HAS3: variants seen among roughly 807,000 people sequenced by gnomAD.
The protein encoded by HAS3 is HA synthase 3.
A neutral mutation model predicts 50.3 loss-of-function variants in HAS3; 27 were observed. The ratio of observed to expected loss-of-function variants is 0.54; its 90% CI spans 0.40 to 0.74. The LOEUF (loss-of-function observed/expected upper bound fraction) is 0.74. HAS3 is among the 30% of genes least tolerant of loss of function. The pLI is 0.00. For synonymous variants in HAS3, 339 were observed against 310.9 expected, an observed-to-expected ratio of 1.09 and a Z score of -0.95; for missense variants, 517 against 742.8, an observed-to-expected ratio of 0.70 and a Z score of 3.53.
Position 69,115,575 on chromosome 16 carries a change from A to C in HAS3, c.*309A>C, listed in dbSNP as rs1033678382. 9.2e-7 allele frequency: 1 copy of C among 1,089,790 alleles called. No homozygotes were observed. Among genetic ancestry groups the C allele is most frequent in the Non-Finnish European group, 1.1e-6 (1 of 896,842 alleles). 67.5% of individuals were successfully genotyped at this position (1,089,790 alleles called of 1,614,324 possible). ...CAGAGGGCACTCAGAAGTTGTGCTA[A>C]ACCAAGTTAAGTCCCATTCAGTGGC... On this transcript the variant is annotated 3_prime_UTR_variant, in exon 4 of 4. Coordinates refer to ENST00000569188, the MANE Select transcript of HAS3 (RefSeq NM_001199280.2).
At chr16:69,101,785 ACT>A (rs142305177), upstream of HAS3, among the ~76,000 whole-genome samples, 15,226 of 147,836 alleles carry the variant, frequency 0.1, 829 homozygotes, top group African/African-American at 0.14. Context: ...TTATACTTGT[ACT>A]CTTTTTTTTT....
chr16:69,118,171 T>C, downstream of HAS3: 1 of 504,058 alleles, frequency 2.0e-6, no homozygotes, highest in East Asian at 3.5e-5. Flanking sequence ...CAGTTTAAAT[T>C]TTGAGGTTCT....
the HAS3 span, among the ~76,000 whole-genome samples, chr16:69,097,887 A>C: frequency 1.3e-5 from 2 of 151,976 alleles, no homozygotes; most frequent in Non-Finnish European, 2.9e-5. Context: ...AGCTCTGCAG[A>C]CTCCGCCTTT....
Position 69,115,230 on chromosome 16 carries a change from G to A in HAS3, c.1626G>A (p.Lys542=), listed in dbSNP as rs546894403. Residue 542 remains lysine (K), a synonymous_variant, in exon 4 of 4, where the codon AAG becomes AAA. Coordinates refer to ENST00000569188, the MANE Select transcript of HAS3 (RefSeq NM_001199280.2). ...LAIIARRCGK[K]PEQYSLAFAE... ...TCATCGCCCGGCGATGTGGGAAGAA[G>A]CCGGAGCAGTACAGCTTGGCTTTTG... 1.3e-6 allele frequency: 2 copies of A among 1,542,896 alleles called. No homozygotes were observed. The highest frequency in any genetic ancestry group is 3.9e-5 in the Admixed American group (2 of 50,640).
At chr16:69,112,472 T>C (rs1961039063) in intron 2 of HAS3, among the ~76,000 whole-genome samples, 1 of 152,184 alleles carries the variant, frequency 6.6e-6, no homozygotes, top group African/African-American at 2.4e-5. Context: ...GGTGGGGTTG[T>C]GGTGTCAGAG....
chr16:69,085,988 C>A, the HAS3 span, among the ~76,000 whole-genome samples: 1 of 148,920 alleles, frequency 6.7e-6, no homozygotes, highest in South Asian at 2.1e-4. Context: ...CACCTCAGCA[C>A]CCCCGAGTAG....
At chr16:69,087,249 C>G in the HAS3 span, among the ~76,000 whole-genome samples, 40 of 152,252 alleles carry the variant, frequency 2.6e-4, no homozygotes, top group Non-Finnish European at 4.7e-4. Context: ...TCCACCACCC[C>G]CTTGCTCTAC....
At chr16:69,088,787 C>T in the HAS3 span, among the ~76,000 whole-genome samples, 1 of 150,916 alleles carries the variant, frequency 6.6e-6, no homozygotes, top group East Asian at 2.0e-4. Context: ...TGCCAAGGCC[C>T]AGAGGTAAGA....
the HAS3 span, among the ~76,000 whole-genome samples, chr16:69,098,221 A>C: frequency 1.3e-5 from 2 of 152,266 alleles, no homozygotes; most frequent in Admixed American, 1.3e-4. Context: ...AATACAAAAA[A>C]TTAGCTGGGC....
the HAS3 span, among the ~76,000 whole-genome samples, chr16:69,085,513 C>G: frequency 1.1e-4 from 16 of 152,126 alleles, no homozygotes; most frequent in Non-Finnish European, 1.9e-4. Flanking sequence ...AGTCCTCCCC[C>G]CTCAGCCTCC....
chr16:69,110,087 C>T lies in HAS3; in HGVS notation c.636+56C>T, dbSNP rs1960949257. ...ATGGGGATAAGTCTGGACAGCCTGGCAAACTCTCCGCCAAGAATCTGAGGT... is the reference window on the plus strand; with the variant it reads ...ATGGGGATAAGTCTGGACAGCCTGGTAAACTCTCCGCCAAGAATCTGAGGT... On this transcript the variant is annotated intron_variant, in intron 2 of 3. Coordinates refer to ENST00000569188, the MANE Select transcript of HAS3 (RefSeq NM_001199280.2). The T allele has an allele frequency of 2.0e-6, 3 of 1,501,232 alleles. No homozygotes were observed. In the South Asian group the frequency reaches 3.8e-5, roughly 19 times the overall value. 93.0% of individuals were successfully genotyped at this position (1,501,232 alleles called of 1,614,324 possible).
chr16:69,115,447 A>C lies in HAS3; in HGVS notation c.*181A>C, dbSNP rs936430958. ...ATGGCCTGACAGCTCTGTTTAGAGG[A>C]GGCAACACTGATCCCCCAGATGCAG... On this transcript the variant is annotated 3_prime_UTR_variant, in exon 4 of 4. Coordinates refer to ENST00000569188, the MANE Select transcript of HAS3 (RefSeq NM_001199280.2). 22 of 1,310,266 alleles carry C rather than the reference A, an allele frequency of 1.7e-5. No homozygotes were observed. Among genetic ancestry groups the C allele is most frequent in the African/African-American group, 1.6e-4 (11 of 67,278 alleles). 81.2% of individuals were successfully genotyped at this position (1,310,266 alleles called of 1,614,324 possible).
At chr16:69,118,585 T>G (rs1200805794), downstream of HAS3, 8 of 736,214 alleles carry the variant, frequency 1.1e-5, no homozygotes, top group Non-Finnish European at 1.7e-5. Flanking sequence ...GGCAGAAAGC[T>G]GTGGGACGAA....
intron 2 of HAS3, among the ~76,000 whole-genome samples, chr16:69,111,600 C>T (rs916943761): frequency 1.3e-5 from 2 of 152,160 alleles, no homozygotes; most frequent in African/African-American, 2.4e-5. Context: ...ACTCAGATTG[C>T]GTGTCTGGCT....
At chr16:69,083,656 C>G in the HAS3 span, 1 of 1,557,488 alleles carries the variant, frequency 6.4e-7, no homozygotes, top group South Asian at 1.2e-5. Flanking sequence ...CATGGTCCTG[C>G]CGTAGACCTG....
At chr16:69,117,722 G>GACTT (rs2152262687), downstream of HAS3, 1 of 867,346 alleles carries the variant, frequency 1.2e-6, no homozygotes, top group Non-Finnish European at 1.4e-6. Context: ...TCCAAAGAGG[G>GACTT]ACTTAAAATA....
At chr16:69,091,173 A>G in the HAS3 span, among the ~76,000 whole-genome samples, 1 of 152,248 alleles carries the variant, frequency 6.6e-6, no homozygotes, top group East Asian at 1.9e-4. Context: ...CTAGATCTTT[A>G]TTTATTACCA....
At chr16:69,100,031 G>T in the HAS3 span, among the ~76,000 whole-genome samples, 1 of 152,184 alleles carries the variant, frequency 6.6e-6, no homozygotes, top group Non-Finnish European at 1.5e-5. Flanking sequence ...CTCCAGCAGA[G>T]CAGAGGCCCC....
At chr16:69,096,072 C>T in the HAS3 span, among the ~76,000 whole-genome samples, 5 of 150,346 alleles carry the variant, frequency 3.3e-5, no homozygotes, top group Admixed American at 1.3e-4. Flanking sequence ...AAAAATTAGC[C>T]GGGCACACTG....
Sources: allele counts gnomAD v4.1 joint callset (sites outside exome capture counted in the v4.1 genomes callset), GRCh38; gene constraint gnomAD v4.1.1; transcripts MANE v1.5; gene names NCBI Gene and HGNC (gene_info 2026-07-23, HGNC 2026-07-21).